The following RNF38 variants were observed in gnomAD, a reference collection of about 807,000 sequenced individuals.
The protein encoded by RNF38 is E3 ubiquitin-protein ligase RNF38.
A neutral mutation model predicts 67.2 loss-of-function variants in RNF38; 15 were observed. The observed-to-expected ratio is 0.22, with a 90% CI of 0.15 to 0.34. RNF38 has a LOEUF of 0.34. RNF38 is among the 10% of genes least tolerant of loss of function. The pLI, the probability that RNF38 is intolerant of heterozygous loss-of-function variation, is 1.00. For missense variants in RNF38, 524 were observed against 639.9 expected (o/e 0.82, Z 1.95); for synonymous variants, 220 against 218.8 (o/e 1.01, Z -0.05).
chr9:36,471,587 C>A (rs1383819423), intron 1 of RNF38, among the ~76,000 whole-genome samples: 1 of 152,120 alleles, frequency 6.6e-6, no homozygotes, highest in African/African-American at 2.4e-5. Flanking sequence ...ATCGCCTGAG[C>A]CCAGGAGTTC....
intron 1 of RNF38, among the ~76,000 whole-genome samples, chr9:36,437,561 A>T (rs1422760923): frequency 6.6e-6 from 1 of 151,712 alleles, no homozygotes. Flanking sequence ...GGTTGAAAAA[A>T]AAAAAAAAAA....
intron 1 of RNF38, among the ~76,000 whole-genome samples, chr9:36,438,190 A>G (rs1839113852): frequency 6.6e-6 from 1 of 152,096 alleles, no homozygotes; most frequent in South Asian, 2.1e-4. Context: ...CTCCCATCTC[A>G]GTTTCCCGAA....
rs917566015 is a variant in RNF38, at chr9:36,341,783, C to A, written c.1485+542G>T. ...TCCAGACTGGGTGACACACTGAGAC[C>A]CTGTTTCAAAATATATATATATATA... On this transcript the variant is annotated intron_variant, in intron 11 of 11. Transcript: ENST00000259605. Among the ~76,000 whole-genome samples, 9 of 103,062 alleles carry A rather than the reference C, an allele frequency of 8.7e-5. No individual in the cohort carries two copies. In the South Asian group the frequency reaches 1.9e-3, roughly 22 times the overall value. The allele number at this position is 103,062 out of a possible 152,430, so 67.6% of individuals were successfully genotyped here.
At chr9:36,356,710 C>G (rs113692561) in intron 5 of RNF38, among the ~76,000 whole-genome samples, 5 of 121,720 alleles carry the variant, frequency 4.1e-5, no homozygotes. Flanking sequence ...AATCCTTGAG[C>G]CTTTTAACCA....
intron 8 of RNF38, among the ~76,000 whole-genome samples, chr9:36,352,190 C>T (rs1048121979): frequency 1.3e-5 from 2 of 151,962 alleles, no homozygotes; most frequent in Non-Finnish European, 2.9e-5. Flanking sequence ...ATCCCAGCTA[C>T]TTGGGAGGCC....
At chr9:36,386,983 A>G (rs1836689919) in intron 2 of RNF38, among the ~76,000 whole-genome samples, 1 of 152,098 alleles carries the variant, frequency 6.6e-6, no homozygotes, top group African/African-American at 2.4e-5. Context: ...TTGTATTTTT[A>G]GTAGAGACGG....
chr9:36,370,973 G>A (rs1691384591), intron 3 of RNF38, among the ~76,000 whole-genome samples: 1 of 151,956 alleles, frequency 6.6e-6, no homozygotes, highest in African/African-American at 2.4e-5. Context: ...CCATGTACTA[G>A]TCATCGACAT....
rs974563153 is a variant in RNF38, at chr9:36,337,032, A to G, written c.*2720T>C. On this transcript the variant is annotated 3_prime_UTR_variant, in exon 12 of 12. Transcript: ENST00000259605. ...AATTCATGCCAAAAAACAAACAAGA[A>G]CCCACAAAAAACCCACAGCTGAGTT... 1 of 152,220 alleles carries G rather than the reference A, an allele frequency of 6.6e-6. No homozygotes were observed. Among genetic ancestry groups the G allele is most frequent in the East Asian group, 1.9e-4 (1 of 5,172 alleles). 9.4% of individuals were successfully genotyped at this position (152,220 alleles called of 1,614,324 possible).
intron 1 of RNF38, among the ~76,000 whole-genome samples, chr9:36,456,770 A>G (rs151259007): frequency 6.6e-6 from 1 of 152,248 alleles, no homozygotes; most frequent in African/African-American, 2.4e-5. Context: ...TATATTCTGC[A>G]TTGTGCCAAG....
At position 36,356,353 on chromosome 9, in the gene RNF38, A is replaced by C; in HGVS notation, c.859T>G (p.Leu287Val). The change falls in exon 6 of 12, where the codon TTG becomes GTG. Residue 287 changes from leucine to valine, a missense_variant. Leu to Val is a conservative substitution (Grantham distance 32). Transcript: ENST00000259605. ...GGGACAAACTGGCCTGGTGGTGGCA[A>C]ATGAGGAGGATGATGGGGAGAAAGG... is the stretch of plus-strand genomic sequence containing the variant. ...PHLSPHHPPHLPPPGQFVPFQ... is the reference protein window; with the variant it reads ...PHLSPHHPPHVPPPGQFVPFQ... 1 of 1,614,024 alleles carries C rather than the reference A, an allele frequency of 6.2e-7. No homozygotes were observed. The highest frequency in any genetic ancestry group is 8.5e-7 in the Non-Finnish European group (1 of 1,179,984).
At chr9:36,456,512 T>C (rs1395745173) in intron 1 of RNF38, among the ~76,000 whole-genome samples, 1 of 150,678 alleles carries the variant, frequency 6.6e-6, no homozygotes, top group Admixed American at 6.6e-5. Flanking sequence ...TTTGATGCTA[T>C]AGAATCTGGA....
intron 1 of RNF38, among the ~76,000 whole-genome samples, chr9:36,391,517 T>C (rs1814992299): frequency 6.6e-6 from 1 of 152,180 alleles, no homozygotes; most frequent in Non-Finnish European, 1.5e-5. Context: ...GGTCTTCTTT[T>C]TAGAGTTTCA....
At chr9:36,478,915 C>T (rs1393511531) in intron 1 of RNF38, among the ~76,000 whole-genome samples, 1 of 151,560 alleles carries the variant, frequency 6.6e-6, no homozygotes, top group East Asian at 1.9e-4. Context: ...TCTGGTAACA[C>T]AAACATAAGG....
At chr9:36,441,666 T>A (rs1477774482) in intron 1 of RNF38, among the ~76,000 whole-genome samples, 1 of 152,128 alleles carries the variant, frequency 6.6e-6, no homozygotes, top group South Asian at 2.1e-4. Context: ...TCACCTAGGA[T>A]GGATTTCACC....
chr9:36,401,656 G>A (rs973200791), upstream of RNF38, among the ~76,000 whole-genome samples: 1 of 152,014 alleles, frequency 6.6e-6, no homozygotes, highest in African/African-American at 2.4e-5. Context: ...CGATACAAGA[G>A]AGAAAATAAA....
intron 1 of RNF38, among the ~76,000 whole-genome samples, chr9:36,432,570 G>A (rs1268355653): frequency 3.3e-5 from 5 of 151,930 alleles, no homozygotes; most frequent in East Asian, 1.9e-4. Context: ...GCGGGCGGGC[G>A]GATCACAAGG....
At chr9:36,339,900 C>A in intron 11 of RNF38, 86 bp from the exon 12 acceptor site, 1 of 1,127,568 alleles carries the variant, frequency 8.9e-7, no homozygotes, top group South Asian at 1.3e-5. Context: ...TTACTTCCCA[C>A]AGTTTTTACA....
upstream of RNF38, chr9:36,400,707 C>A: frequency 2.0e-6 from 2 of 985,844 alleles, no homozygotes; most frequent in Non-Finnish European, 2.4e-6. Context: ...CCAACTTAGG[C>A]ACTGTCACTG....
intron 5 of RNF38, 63 bp from the exon 6 acceptor site, chr9:36,356,536 T>G (rs537404046): frequency 7.3e-7 from 1 of 1,374,148 alleles, no homozygotes; most frequent in Non-Finnish European, 9.8e-7. Flanking sequence ...TTTAAAAGGA[T>G]AGTGAGATTA....
Sources: allele counts gnomAD v4.1 joint callset (sites outside exome capture counted in the v4.1 genomes callset), GRCh38; gene constraint gnomAD v4.1.1; transcripts MANE v1.5; gene names NCBI Gene and HGNC (gene_info 2026-07-23, HGNC 2026-07-21).